The following MACROD2 variants were observed in gnomAD, a reference collection of about 807,000 sequenced individuals.
MACROD2 encodes mono-ADP ribosylhydrolase 2, also known as ADP-ribose glycohydrolase MACROD2.
In MACROD2, 36 loss-of-function variants were observed where a neutral mutation model predicts 70.4. That is an observed-to-expected ratio of 0.51 (90% CI 0.39 to 0.68). The LOEUF (loss-of-function observed/expected upper bound fraction) is 0.68. MACROD2 is among the 30% of genes least tolerant of loss of function. The pLI is 0.00. For missense variants in MACROD2, 496 were observed against 538.4 expected (o/e 0.92, Z 0.78); for synonymous variants, 172 against 178.8 (o/e 0.96, Z 0.30).
Position 14,942,757 on chromosome 20 carries a change from T to C in MACROD2, c.418+257798T>C, listed in dbSNP as rs564035387. Among the ~76,000 whole-genome samples, 86 of 115,418 alleles carry C rather than the reference T, an allele frequency of 7.5e-4. 1 individual carries two copies. The highest frequency in any genetic ancestry group is 1.1e-3 in the Non-Finnish European group (62 of 54,112). The allele number at this position is 115,418 out of a possible 152,430, so 75.7% of individuals were successfully genotyped here. ...GACTGAATGTCACGTCTTAGATTTA[T>C]GCATATGAGCCTAAAAGCCTAAATT... On this transcript the variant is annotated intron_variant, in intron 5 of 17. Transcript: ENST00000684519.
In MACROD2 at chr20:14,085,740, AT is replaced by A; in HGVS notation, c.271+16del. ...TATAGTCAATGCCGGTGAGTAGTTG[AT>A]TTTCCTGTGATGTGTTTGTTATGTA... is the stretch of plus-strand genomic sequence containing the variant. On this transcript the variant is annotated intron_variant, in intron 3 of 17. Transcript: ENST00000684519. 7.0e-7 allele frequency: 1 copy of A among 1,426,588 alleles called. No homozygotes were observed. The highest frequency in any genetic ancestry group is 1.6e-5 in the South Asian group (1 of 62,274). The allele number at this position is 1,426,588 out of a possible 1,614,324, so 88.4% of individuals were successfully genotyped here. A position where few individuals can be genotyped will look rare whatever the true frequency, so the allele number is the denominator to read the frequency against.
At chr20:15,050,798 G>GA (rs34982987) in intron 5 of MACROD2, among the ~76,000 whole-genome samples, 84 of 141,396 alleles carry the variant, frequency 5.9e-4, no homozygotes, top group East Asian at 2.7e-3. Context: ...GAAGGTATGT[G>GA]AAAAAAAAAA....
At chr20:15,593,469 T>C (rs894822389) in intron 8 of MACROD2, among the ~76,000 whole-genome samples, 8 of 152,246 alleles carry the variant, frequency 5.3e-5, no homozygotes, top group Non-Finnish European at 1.2e-4. Flanking sequence ...TTATTGCTAA[T>C]TGTAAACTAC....
intron 5 of MACROD2, among the ~76,000 whole-genome samples, chr20:15,078,858 C>T (rs2123126390): frequency 6.6e-6 from 1 of 152,180 alleles, no homozygotes; most frequent in South Asian, 2.1e-4. Flanking sequence ...ATTGGTCAGG[C>T]TGGTCACAGA....
At chr20:14,397,874 G>A (rs887732495) in intron 3 of MACROD2, among the ~76,000 whole-genome samples, 76 of 152,034 alleles carry the variant, frequency 5.0e-4, no homozygotes, top group African/African-American at 1.8e-3. Context: ...ATAAAACTCT[G>A]TCTTCTCCTC....
chr20:15,816,623 T>C (rs1264007516), intron 8 of MACROD2, among the ~76,000 whole-genome samples: 1 of 152,200 alleles, frequency 6.6e-6, no homozygotes, highest in Non-Finnish European at 1.5e-5. Context: ...GCTTCTTCCT[T>C]CTGCTCCTTC....
chr20:15,420,468 C>T (rs2046212603), intron 6 of MACROD2, among the ~76,000 whole-genome samples: 1 of 152,190 alleles, frequency 6.6e-6, no homozygotes, highest in African/African-American at 2.4e-5. Flanking sequence ...CATGCACAGT[C>T]TCCTACAAAG....
intron 8 of MACROD2, among the ~76,000 whole-genome samples, chr20:15,600,499 C>T (rs986719998): frequency 2.6e-5 from 4 of 152,206 alleles, no homozygotes; most frequent in Admixed American, 6.5e-5. Flanking sequence ...TCCCCGCCCT[C>T]CCCTTCTTCT....
rs12480316 is a variant in MACROD2, at chr20:15,379,530, A to T, written c.541-51875A>T. Among the ~76,000 whole-genome samples the T allele has an allele frequency of 5.3e-3, 800 of 152,056 alleles. 29 individuals are homozygous for T. The highest frequency in any genetic ancestry group is 0.048 in the Admixed American group (730 of 15,262). ...ACAGCTGTCCACATTTCAGCAAATG[A>T]TGTGATACGATCATTCACTGGATGG... On this transcript the variant is annotated intron_variant, in intron 6 of 17. Transcript: ENST00000684519.
chr20:15,421,468 A>G (rs1446255796), intron 6 of MACROD2, among the ~76,000 whole-genome samples: 1 of 152,230 alleles, frequency 6.6e-6, no homozygotes, highest in Non-Finnish European at 1.5e-5. Flanking sequence ...TCAATGTGGC[A>G]GTAGTTAAAT....
rs1303520268 is a variant in MACROD2 at position 14,562,004 on chromosome 20, T to A, written c.301+68496T>A. 2.6e-5 allele frequency among the ~76,000 whole-genome samples: 4 copies of A among 151,948 alleles called. No homozygotes were observed. In the East Asian group the frequency reaches 7.8e-4, roughly 30 times the overall value. On this transcript the variant is annotated intron_variant, in intron 4 of 17. Transcript: ENST00000684519. ...TTTTTATTTTTTTTAACTTTAATAG[T>A]CCTTAGCAATAATCAACAATTTACT...
chr20:15,841,995 A>T (rs922206436), intron 8 of MACROD2, among the ~76,000 whole-genome samples: 3 of 152,122 alleles, frequency 2.0e-5, no homozygotes, highest in Admixed American at 6.6e-5. Flanking sequence ...GGAATTGGGT[A>T]GGTGTGTTGG....
At chr20:14,462,786 C>T (rs1256775147) in intron 3 of MACROD2, among the ~76,000 whole-genome samples, 2 of 151,984 alleles carry the variant, frequency 1.3e-5, no homozygotes, top group African/African-American at 4.8e-5. Flanking sequence ...AGTTGTTAAA[C>T]AGGGAATCCT....
chr20:14,834,160 T>G (rs943385317), intron 5 of MACROD2, among the ~76,000 whole-genome samples: 1 of 151,860 alleles, frequency 6.6e-6, no homozygotes, highest in Non-Finnish European at 1.5e-5. Context: ...AATAACTGTT[T>G]AAAGGTTAGG....
intron 3 of MACROD2, among the ~76,000 whole-genome samples, chr20:14,336,021 T>C (rs756231062): frequency 3.3e-5 from 5 of 152,172 alleles, no homozygotes; most frequent in African/African-American, 7.2e-5. Flanking sequence ...TCTTTACTCA[T>C]TTCGGAAGAG....
At chr20:15,243,169 G>A (rs1368455199) in intron 6 of MACROD2, among the ~76,000 whole-genome samples, 2 of 152,138 alleles carry the variant, frequency 1.3e-5, no homozygotes, top group Non-Finnish European at 2.9e-5. Context: ...ACAGCTGAGG[G>A]CTGTCTTCTG....
rs534127266 is a variant in MACROD2 at position 14,298,492 on chromosome 20, C to T, written c.272-194987C>T. 8.6e-5 allele frequency among the ~76,000 whole-genome samples: 13 copies of T among 150,636 alleles called. No individual in the cohort carries two copies. In the East Asian group the frequency reaches 1.4e-3, roughly 16 times the overall value. On this transcript the variant is annotated intron_variant, in intron 3 of 17. Transcript: ENST00000684519. Reference sequence around the variant, plus strand: ...CTGAGGCAGGAGAATCACTTGAACCCGGGAGGCGGAGGTTGCAGTGACCCA... The same window carrying T: ...CTGAGGCAGGAGAATCACTTGAACCTGGGAGGCGGAGGTTGCAGTGACCCA...
intron 8 of MACROD2, among the ~76,000 whole-genome samples, chr20:15,747,786 T>A (rs921608516): frequency 1.3e-5 from 2 of 152,150 alleles, no homozygotes; most frequent in African/African-American, 4.8e-5. Context: ...TATACCCTTA[T>A]TTCCTTTTCT....
At chr20:14,978,074 G>A (rs1434089872) in intron 5 of MACROD2, among the ~76,000 whole-genome samples, 1 of 152,082 alleles carries the variant, frequency 6.6e-6, no homozygotes, top group Admixed American at 6.6e-5. Context: ...GATTAATTCA[G>A]TGAAAACAAT....
Sources: allele counts gnomAD v4.1 joint callset (sites outside exome capture counted in the v4.1 genomes callset), GRCh38; gene constraint gnomAD v4.1.1; transcripts MANE v1.5; gene names NCBI Gene and HGNC (gene_info 2026-07-23, HGNC 2026-07-21).